PSD2: variants seen among roughly 807,000 people sequenced by gnomAD.
The protein encoded by PSD2 is PH and SEC7 domain-containing protein 2.
PSD2 carries 38 observed loss-of-function variants against 69.8 expected under a neutral mutation model. The ratio of observed to expected loss-of-function variants is 0.54; its 90% CI spans 0.42 to 0.71. The LOEUF is 0.71. Ranked by LOEUF, PSD2 falls within the 30% of genes least tolerant of loss-of-function variation. PSD2 has a pLI of 0.00. For missense variants in PSD2, 943 were observed against 1,014.5 expected (o/e 0.93, Z 0.96); for synonymous variants, 412 against 423.0 (o/e 0.97, Z 0.32).
the PSD2 span, among the ~76,000 whole-genome samples, chr5:139,790,112 TGGCCTGC>T: frequency 9.9e-5 from 15 of 151,938 alleles, no homozygotes; most frequent in Admixed American, 7.2e-4. Context: ...TGGGATTTTG[TGGCCTGC>T]GTAAAGACTT....
At chr5:139,812,792 G>A (rs1174569132) in intron 2 of PSD2, among the ~76,000 whole-genome samples, 1 of 152,188 alleles carries the variant, frequency 6.6e-6, no homozygotes, top group Non-Finnish European at 1.5e-5. Flanking sequence ...GTGATAAGAT[G>A]TTCACACTGC....
the PSD2 span, among the ~76,000 whole-genome samples, chr5:139,766,902 TCC>T: frequency 0.047 from 3,552 of 76,146 alleles, 526 homozygotes; most frequent in Non-Finnish European, 0.064. Context: ...TTTCCCTCTT[TCC>T]CTCCCTTCCT....
chr5:139,753,818 G>GT, the PSD2 span, among the ~76,000 whole-genome samples: 185 of 143,358 alleles, frequency 1.3e-3, no homozygotes, highest in Middle Eastern at 3.5e-3. Flanking sequence ...TCCCAGAGTT[G>GT]TTTTTTTTTT....
chr5:139,748,301 ACT>A, the PSD2 span, among the ~76,000 whole-genome samples: 4 of 150,832 alleles, frequency 2.7e-5, no homozygotes, highest in Admixed American at 6.6e-5. Flanking sequence ...AAGAGCCCCA[ACT>A]CTCTTCTCCT....
chr5:139,754,674 G>A, the PSD2 span, among the ~76,000 whole-genome samples: 1 of 151,974 alleles, frequency 6.6e-6, no homozygotes, highest in Non-Finnish European at 1.5e-5. Context: ...TCCAGCATGG[G>A]TGATAGAGTG....
chr5:139,796,759 G>A (rs1490284755), intron 1 of PSD2, among the ~76,000 whole-genome samples: 1 of 152,240 alleles, frequency 6.6e-6, no homozygotes, highest in Non-Finnish European at 1.5e-5. Flanking sequence ...ATAGGCCCAG[G>A]GGGCCACTGT....
At chr5:139,780,475 G>A in the PSD2 span, among the ~76,000 whole-genome samples, 12 of 151,908 alleles carry the variant, frequency 7.9e-5, no homozygotes, top group African/African-American at 2.7e-4. Context: ...ACATTGTCTC[G>A]CTCTATTGCC....
At chr5:139,823,556 A>G (rs1264746259) in intron 7 of PSD2, among the ~76,000 whole-genome samples, 1 of 152,042 alleles carries the variant, frequency 6.6e-6, no homozygotes, top group Admixed American at 6.6e-5. Context: ...GGGATAGACC[A>G]AACTTCAGAT....
At chr5:139,796,534 A>G (rs1759533646) in intron 1 of PSD2, among the ~76,000 whole-genome samples, 1 of 152,164 alleles carries the variant, frequency 6.6e-6, no homozygotes, top group Non-Finnish European at 1.5e-5. Context: ...GGGGGCTCGC[A>G]CGGGGGCGTG....
chr5:139,836,628 A>C (rs866073968), intron 9 of PSD2, among the ~76,000 whole-genome samples, 183 bp from the exon 10 acceptor site: 1 of 152,244 alleles, frequency 6.6e-6, no homozygotes, highest in South Asian at 2.1e-4. Context: ...AGAAGTGGAG[A>C]TGAGAGGAGG....
At chr5:139,780,821 C>T in the PSD2 span, among the ~76,000 whole-genome samples, 3 of 152,218 alleles carry the variant, frequency 2.0e-5, no homozygotes. Flanking sequence ...AGCAAACTCT[C>T]ATACATGCGC....
rs143952961 is a variant in PSD2 at position 139,817,006 on chromosome 5, C to T, written c.1017-475C>T. 2.7e-4 allele frequency among the ~76,000 whole-genome samples: 41 copies of T among 152,356 alleles called. No homozygotes were observed. The East Asian group carries it at 7.9e-3, about 29-fold the overall frequency. On this transcript the variant is annotated intron_variant, in intron 4 of 14. Coordinates refer to ENST00000274710, the MANE Select transcript of PSD2 (RefSeq NM_032289.4). Reference sequence around the variant, plus strand: ...ATCCCTTCTATCTCTATCTGGACAACTATGGCAGTCCCCCTGTGGGTCTCC... The same window carrying T: ...ATCCCTTCTATCTCTATCTGGACAATTATGGCAGTCCCCCTGTGGGTCTCC...
chr5:139,779,847 G>C, the PSD2 span, among the ~76,000 whole-genome samples: 1 of 152,174 alleles, frequency 6.6e-6, no homozygotes, highest in Non-Finnish European at 1.5e-5. Context: ...GTTGTTGCAT[G>C]TATCAGTAGT....
the PSD2 span, among the ~76,000 whole-genome samples, chr5:139,752,159 C>G: frequency 1.3e-5 from 2 of 152,048 alleles, no homozygotes; most frequent in Non-Finnish European, 2.9e-5. Flanking sequence ...TGCCAAGCCC[C>G]TCACACTCCT....
At chr5:139,833,043 TC>T (rs1391597814) in intron 7 of PSD2, among the ~76,000 whole-genome samples, 8 of 152,062 alleles carry the variant, frequency 5.3e-5, no homozygotes, top group African/African-American at 1.4e-4. Context: ...GATTTTTGAC[TC>T]CCATAAACTT....
At position 139,810,527 on chromosome 5, in the gene PSD2, G is replaced by C. The variant is rs532682972; in HGVS notation, c.371+716G>C. On this transcript the variant is annotated intron_variant, in intron 2 of 14. Transcript: ENST00000274710. ...AGTGTGCGTGGGGGCATGAGTGTGT[G>C]CCTGCCCTGCATGTCATGTGTACAC... Among the ~76,000 whole-genome samples the C allele has an allele frequency of 1.0e-3, 157 of 152,322 alleles. 1 individual carries two copies. Among genetic ancestry groups the C allele is most frequent in the African/African-American group, 3.6e-3 (150 of 41,574 alleles).
the PSD2 span, among the ~76,000 whole-genome samples, chr5:139,750,906 G>A: frequency 1.3e-5 from 2 of 152,170 alleles, no homozygotes; most frequent in East Asian, 1.9e-4. Flanking sequence ...AGGACTGAGC[G>A]ATTTAGATCC....
chr5:139,779,153 T>C, the PSD2 span, among the ~76,000 whole-genome samples: 1 of 152,040 alleles, frequency 6.6e-6, no homozygotes, highest in Non-Finnish European at 1.5e-5. Context: ...TTTCCATAGG[T>C]TATTGGGGAA....
intron 2 of PSD2, 102 bp downstream of exon 2, chr5:139,809,913 C>T: frequency 1.6e-6 from 2 of 1,289,158 alleles, no homozygotes; most frequent in Non-Finnish European, 2.2e-6. Context: ...GTTTTTCTCA[C>T]ACATAAAATG....
Sources: gnomAD v4.1 joint callset for allele counts (sites outside exome capture counted in the v4.1 genomes callset) on GRCh38, gnomAD v4.1.1 for gene constraint, MANE v1.5 for transcripts, NCBI Gene and HGNC (gene_info 2026-07-23, HGNC 2026-07-21) for gene names.